Variants in CCDC25 observed in about 807,000 individuals in gnomAD.
CCDC25 encodes the protein coiled-coil domain containing 25.
Under a neutral mutation model 35.3 loss-of-function variants are expected in CCDC25, and 16 were observed. The observed-to-expected ratio is 0.45, with a 90% confidence interval of 0.31 to 0.69. The LOEUF is 0.69. Among genes scored for constraint, CCDC25 ranks in the 30% least tolerant of loss-of-function variants. The probability of loss-of-function intolerance (pLI) is 0.06; values close to 1 mark genes in which losing one functional copy is unlikely to be tolerated. For synonymous variants in CCDC25, 79 were observed against 80.3 expected, an observed-to-expected ratio of 0.98 and a Z score of 0.09; for missense variants, 179 against 250.7, an observed-to-expected ratio of 0.71 and a Z score of 1.93.
At chr8:27,770,925 G>C (rs1223885866) in intron 1 of CCDC25, among the ~76,000 whole-genome samples, 1 of 152,166 alleles carries the variant, frequency 6.6e-6, no homozygotes. Context: ...CCCCTTATCT[G>C]TGGGGGATGT....
At chr8:27,757,537 T>C (rs1481140536) in intron 3 of CCDC25, among the ~76,000 whole-genome samples, 7 of 152,160 alleles carry the variant, frequency 4.6e-5, no homozygotes, top group Admixed American at 4.6e-4. Context: ...TAAATTTACC[T>C]TTCATGATGG....
At chr8:27,761,431 A>G (rs909721706) in intron 3 of CCDC25, among the ~76,000 whole-genome samples, 3 of 152,212 alleles carry the variant, frequency 2.0e-5, no homozygotes, top group African/African-American at 7.2e-5. Context: ...TCTATTTCAC[A>G]GGGTTGTTGT....
At chr8:27,761,039 G>T (rs917200476) in intron 3 of CCDC25, among the ~76,000 whole-genome samples, 4 of 151,978 alleles carry the variant, frequency 2.6e-5, no homozygotes, top group African/African-American at 9.7e-5. Flanking sequence ...TGAGGCAGGA[G>T]AATCTCTTGA....
intron 7 of CCDC25, among the ~76,000 whole-genome samples, chr8:27,744,417 A>C (rs1803538780): frequency 6.6e-6 from 1 of 152,206 alleles, no homozygotes; most frequent in South Asian, 2.1e-4. Context: ...TAACACGAAG[A>C]GGCACAGCAC....
At chr8:27,767,925 G>C (rs1379488239) in intron 1 of CCDC25, among the ~76,000 whole-genome samples, 1 of 152,196 alleles carries the variant, frequency 6.6e-6, no homozygotes, top group Admixed American at 6.5e-5. Flanking sequence ...AGAATTTGTA[G>C]TCACAGTGGC....
At chr8:27,759,954 T>A (rs899630437) in intron 3 of CCDC25, among the ~76,000 whole-genome samples, 1 of 152,116 alleles carries the variant, frequency 6.6e-6, no homozygotes, top group Non-Finnish European at 1.5e-5. Flanking sequence ...CACCCCACCC[T>A]GGAATGGTGA....
intron 3 of CCDC25, among the ~76,000 whole-genome samples, chr8:27,757,923 A>G (rs1037350652): frequency 7.2e-5 from 11 of 152,096 alleles, no homozygotes; most frequent in African/African-American, 2.7e-4. Flanking sequence ...TTAAAAGTGC[A>G]CAGCCCCGGC....
chr8:27,765,625 A>G (rs1178402242), intron 1 of CCDC25, among the ~76,000 whole-genome samples: 1 of 97,984 alleles, frequency 1.0e-5, no homozygotes, highest in Non-Finnish European at 2.0e-5. Context: ...CTTCTTTAAG[A>G]GTTAAAAAAA....
chr8:27,761,831 A>G (rs921347480), intron 3 of CCDC25, among the ~76,000 whole-genome samples: 1 of 152,216 alleles, frequency 6.6e-6, no homozygotes, highest in African/African-American at 2.4e-5. Flanking sequence ...TTTGTTTGGT[A>G]TTCTTTTTTT....
chr8:27,766,134 AACTC>A (rs1804392741), intron 1 of CCDC25, among the ~76,000 whole-genome samples: 1 of 152,200 alleles, frequency 6.6e-6, no homozygotes, highest in Non-Finnish European at 1.5e-5. Flanking sequence ...AATTGGACTA[AACTC>A]CTGAATTCAT....
At chr8:27,738,379 G>T (rs944179916) in intron 8 of CCDC25, among the ~76,000 whole-genome samples, 13 of 152,256 alleles carry the variant, frequency 8.5e-5, no homozygotes, top group Non-Finnish European at 1.6e-4. Flanking sequence ...CATTTTCACT[G>T]AAAGAGAGAA....
chr8:27,734,161 G>A lies in CCDC25; in HGVS notation c.*2055C>T, dbSNP rs1803132538. ...GGTAAACTTCTCAATATTTGTTCTA[G>A]CCCAACCACGGTGACAAAGCTCCCT... On this transcript the variant is annotated 3_prime_UTR_variant, in exon 9 of 9. Transcript: ENST00000356537. The A allele has an allele frequency of 1.3e-5, 2 of 152,132 alleles. No homozygotes were observed. The highest frequency in any genetic ancestry group is 2.1e-4 in the South Asian group (1 of 4,826). The allele number at this position is 152,132 out of a possible 1,614,324, so 9.4% of individuals were successfully genotyped here.
Position 27,756,790 on chromosome 8 carries a change from C to A in CCDC25, c.117-20G>T, listed in dbSNP as rs1365609727. ...TGAAACCTACAAAGAATGAAAACCA[C>A]TTTTAGCAAGAGGTACAAGACAATC... On this transcript the variant is annotated intron_variant, in intron 3 of 8. Transcript: ENST00000356537. 1 of 1,594,426 alleles carries A rather than the reference C, an allele frequency of 6.3e-7. No individual in the cohort carries two copies. Among genetic ancestry groups the A allele is most frequent in the East Asian group, 2.2e-5 (1 of 44,744 alleles).
At chr8:27,765,808 AC>A (rs763966506) in intron 1 of CCDC25, among the ~76,000 whole-genome samples, 3 of 152,102 alleles carry the variant, frequency 2.0e-5, no homozygotes, top group African/African-American at 4.8e-5. Flanking sequence ...TAAACCAGTG[AC>A]TCTGACCCCT....
intron 1 of CCDC25, among the ~76,000 whole-genome samples, chr8:27,765,990 T>C (rs1804387311): frequency 6.6e-6 from 1 of 152,204 alleles, no homozygotes; most frequent in Non-Finnish European, 1.5e-5. Flanking sequence ...ATCTTCTGGG[T>C]ATGGTTTATC....
intron 4 of CCDC25, chr8:27,752,825 G>GA (rs1803862060): frequency 4.5e-6 from 1 of 222,324 alleles, no homozygotes; most frequent in African/African-American, 2.6e-5. Context: ...AAAAAAAAAA[G>GA]CAAAAAAAAA....
At chr8:27,762,280 T>C in intron 3 of CCDC25, 139 bp downstream of exon 3, 3 of 711,160 alleles carry the variant, frequency 4.2e-6, no homozygotes. Flanking sequence ...TAATTAGAAA[T>C]GAAGGAACTG....
chr8:27,769,684 G>GTTT (rs1804519397), intron 1 of CCDC25, among the ~76,000 whole-genome samples: 1 of 152,194 alleles, frequency 6.6e-6, no homozygotes. Context: ...GGCACACACT[G>GTTT]TGGAAGGCTA....
At chr8:27,760,120 A>G (rs969491570) in intron 3 of CCDC25, among the ~76,000 whole-genome samples, 3 of 152,212 alleles carry the variant, frequency 2.0e-5, no homozygotes, top group African/African-American at 7.2e-5. Context: ...TCTCAAGACT[A>G]CTAAAGGGGG....
Sources: allele counts gnomAD v4.1 joint callset (sites outside exome capture counted in the v4.1 genomes callset), GRCh38; gene constraint gnomAD v4.1.1; transcripts MANE v1.5; gene names NCBI Gene and HGNC (gene_info 2026-07-23, HGNC 2026-07-21).